RIF1: variants seen among roughly 807,000 people sequenced by gnomAD.
RIF1 encodes telomere-associated protein RIF1.
Under a neutral mutation model 247.1 loss-of-function variants are expected in RIF1, and 45 were observed. That is an observed-to-expected ratio of 0.18 (90% CI 0.14 to 0.23). The LOEUF is 0.23. Ranked by LOEUF, RIF1 falls within the 10% of genes least tolerant of loss-of-function variation. The pLI is 1.00. For synonymous variants in RIF1, 1,087 were observed against 978.8 expected (o/e 1.11, Z -2.06); for missense variants, 2,967 against 2,862.5 (o/e 1.04, Z -0.83).
chr2:151,499,296 A>G, intron 10 of RIF1: 1 of 1,437,456 alleles, frequency 7.0e-7, no homozygotes, highest in African/African-American at 1.4e-5. Flanking sequence ...ATTTTTAAAT[A>G]CCGAACTAAA....
intron 8 of RIF1, among the ~76,000 whole-genome samples, chr2:151,427,736 C>T (rs527927158): frequency 5.3e-5 from 8 of 149,838 alleles, no homozygotes; most frequent in African/African-American, 2.0e-4. Context: ...GCCTGGCCAG[C>T]ATGGCCAGCA....
intron 13 of RIF1, chr2:151,506,861 G>C: frequency 8.2e-7 from 1 of 1,212,952 alleles, no homozygotes; most frequent in Non-Finnish European, 1.2e-6. Context: ...AAAGAGGAGA[G>C]TGAAATGACT....
Position 151,464,581 on chromosome 2 carries a change from C to T in RIF1, c.5061C>T (p.Asp1687=). Residue 1687 remains aspartate (D), a synonymous_variant, in exon 30 of 36, where the codon GAC becomes GAT. Transcript: ENST00000444746. ...CCATTAAGAGATTACATAAGCGAGA[C>T]TCTTTTGATAATTGTAGTTTGGGAG... The part of the protein sequence containing the change: ...RNAIKRLHKR[D]SFDNCSLGES... 1 of 1,613,440 alleles carries T rather than the reference C, an allele frequency of 6.2e-7. No individual in the cohort carries two copies. Among genetic ancestry groups the T allele is most frequent in the Non-Finnish European group, 8.5e-7 (1 of 1,179,582 alleles).
chr2:151,425,682 T>TTTG (rs1553477252), intron 8 of RIF1, among the ~76,000 whole-genome samples: 8 of 146,848 alleles, frequency 5.4e-5, no homozygotes, highest in African/African-American at 1.5e-4. Flanking sequence ...TTTTTTTTTT[T>TTTG]GTGAGACAGA....
chr2:151,463,465 G>C lies in RIF1; in HGVS notation c.3945G>C (p.Glu1315Asp). The C allele has an allele frequency of 6.2e-7, 1 of 1,614,002 alleles. No individual in the cohort carries two copies. Among genetic ancestry groups the C allele is most frequent in the South Asian group, 1.1e-5 (1 of 91,056 alleles). Residue 1315 changes from glutamate to aspartate, a missense_variant, in exon 30 of 36, where the codon GAG becomes GAC. Around this residue, in one of 7 missense-constraint regions of RIF1, gnomAD observed 2,028 missense variants for 1,825.6 expected, o/e 1.11. Coordinates refer to ENST00000444746, the MANE Select transcript of RIF1 (RefSeq NM_018151.5). ...LMRSEPEKNT[E>D]ESVEGIVVLE... is the part of the protein sequence containing the mutation. ...GATCTGAGCCGGAGAAAAATACTGAGGAATCTGTTGAAGGCATTGTAGTCT... is the reference window on the plus strand; with the variant it reads ...GATCTGAGCCGGAGAAAAATACTGACGAATCTGTTGAAGGCATTGTAGTCT...
downstream of RIF1, among the ~76,000 whole-genome samples, chr2:151,511,521 A>G (rs2074312086): frequency 6.6e-6 from 1 of 152,222 alleles, no homozygotes. Flanking sequence ...ACTAGCATCA[A>G]AATTCCAGAG....
At chr2:151,411,367 C>T in intron 3 of RIF1, 29 bp downstream of exon 3, 3 of 1,374,260 alleles carry the variant, frequency 2.2e-6, no homozygotes, top group Non-Finnish European at 2.0e-6. Context: ...AACAGTTTTT[C>T]ACTTTTGGTA....
intron 15 of RIF1, among the ~76,000 whole-genome samples, chr2:151,440,457 A>G (rs1692082060): frequency 1.3e-5 from 2 of 152,200 alleles, no homozygotes; most frequent in Admixed American, 6.5e-5. Context: ...GCTGAAAACT[A>G]CTAATAGTTG....
At chr2:151,458,951 T>G (rs755656047) in intron 25 of RIF1, 41 bp downstream of exon 25, 2 of 1,242,572 alleles carry the variant, frequency 1.6e-6, no homozygotes, top group East Asian at 2.4e-5. Flanking sequence ...TTTTGGACAT[T>G]TAAGTTATTT....
At chr2:151,425,309 A>G (rs1398533835) in intron 8 of RIF1, among the ~76,000 whole-genome samples, 1 of 151,716 alleles carries the variant, frequency 6.6e-6, no homozygotes, top group Non-Finnish European at 1.5e-5. Context: ...TAGTTTTGTG[A>G]TTTGCAAATA....
chr2:151,436,787 G>T, intron 11 of RIF1, 40 bp from the exon 12 acceptor site: 1 of 1,433,716 alleles, frequency 7.0e-7, no homozygotes, highest in East Asian at 2.4e-5. Flanking sequence ...AATATAAAAT[G>T]AGCTTGTATG....
In RIF1 at chr2:151,458,048, T is replaced by C. The variant is rs970382165; in HGVS notation, c.2855+85T>C. Reference sequence around the variant, plus strand: ...TACTTTGATTCAAATAATCTTTTCTTATGGGGTATTGTTACAGAGGATTCC... The same window carrying C: ...TACTTTGATTCAAATAATCTTTTCTCATGGGGTATTGTTACAGAGGATTCC... On this transcript the variant is annotated intron_variant, in intron 24 of 35. Coordinates refer to ENST00000444746, the MANE Select transcript of RIF1 (RefSeq NM_018151.5). 4 of 941,354 alleles carry C rather than the reference T, an allele frequency of 4.2e-6. No homozygotes were observed. In the African/African-American group the frequency reaches 4.9e-5, roughly 12 times the overall value. The allele number at this position is 941,354 out of a possible 1,614,324, so 58.3% of individuals were successfully genotyped here. A position where few individuals can be genotyped will look rare whatever the true frequency, so the allele number is the denominator to read the frequency against.
chr2:151,418,239 C>G (rs1405921921), intron 6 of RIF1, among the ~76,000 whole-genome samples: 2 of 152,168 alleles, frequency 1.3e-5, no homozygotes, highest in African/African-American at 4.8e-5. Flanking sequence ...CAGTCTCACT[C>G]TGTTGTTCAG....
At position 151,475,595 on chromosome 2, in the gene RIF1, T is replaced by C. The variant is rs942042090; in HGVS notation, c.*524T>C. ...GAATTTTTCCTGCATATGTCAACTT[T>C]GGACAGCTTTCAAGAAAAATGAGAA... On this transcript the variant is annotated 3_prime_UTR_variant, in exon 36 of 36. Transcript: ENST00000444746. 3.9e-4 allele frequency: 59 copies of C among 153,158 alleles called. No homozygotes were observed. Among genetic ancestry groups the C allele is most frequent in the Non-Finnish European group, 1.6e-4 (11 of 68,666 alleles). 9.5% of individuals were successfully genotyped at this position (153,158 alleles called of 1,614,324 possible).
chr2:151,464,526 T>C lies in RIF1; in HGVS notation c.5006T>C (p.Val1669Ala). 3 of 1,611,916 alleles carry C rather than the reference T, an allele frequency of 1.9e-6. No individual in the cohort carries two copies. The highest frequency in any genetic ancestry group is 2.5e-6 in the Non-Finnish European group (3 of 1,179,238). The stretch of plus-strand genomic sequence containing the variant: ...GAATATTCCTTTACAAGTCTACCTG[T>C]GCCAGAATCAAATCTAAGGACTAGA... ...YAEYSFTSLP[V>A]PESNLRTRNA... is the part of the protein sequence containing the mutation. The change falls in exon 30 of 36, where the codon GTG (valine) becomes GCG (alanine). Residue 1669 changes from valine (V) to alanine (A), a missense_variant. Coordinates refer to ENST00000444746, the MANE Select transcript of RIF1 (RefSeq NM_018151.5).
chr2:151,441,225 G>GA (rs1240203351), intron 15 of RIF1, among the ~76,000 whole-genome samples: 15 of 151,412 alleles, frequency 9.9e-5, no homozygotes, highest in Admixed American at 8.6e-4. Context: ...TCTCAAAAAA[G>GA]AAAAAAAAGA....
In RIF1 at chr2:151,461,245, A is replaced by G. The variant is rs376838980; in HGVS notation, c.3183A>G (p.Glu1061=). ...FIPPEGKDAK[E]RILTDHQKEV... The stretch of plus-strand genomic sequence containing the variant: ...CTCCAGAAGGAAAAGATGCAAAGGA[A>G]AGAATATTAACTGATCATCAAAAAG... The change falls in exon 27 of 36, where the codon GAA becomes GAG. Residue 1061 remains glutamate, a synonymous_variant. Coordinates refer to ENST00000444746, the MANE Select transcript of RIF1 (RefSeq NM_018151.5). 1.5e-5 allele frequency: 24 copies of G among 1,613,516 alleles called. No homozygotes were observed. The African/African-American group carries it at 2.7e-4, about 18-fold the overall frequency.
intron 10 of RIF1, chr2:151,498,133 C>T (rs1370814502): frequency 2.0e-5 from 31 of 1,522,856 alleles, no homozygotes; most frequent in Admixed American, 8.0e-5. Context: ...GAAAGTATAT[C>T]CTTTTGTAAT....
intron 9 of RIF1, among the ~76,000 whole-genome samples, chr2:151,431,362 G>A (rs149436174): frequency 1.3e-5 from 2 of 152,144 alleles, no homozygotes; most frequent in East Asian, 1.9e-4. Flanking sequence ...CTCAGTGGCC[G>A]ACTAGAAAAA....
Sources: gnomAD v4.1 joint callset for allele counts (sites outside exome capture counted in the v4.1 genomes callset) on GRCh38, gnomAD v4.1.1 for gene constraint, gnomAD v4.1.1 regional missense constraint, MANE v1.5 for transcripts, NCBI Gene and HGNC (gene_info 2026-07-23, HGNC 2026-07-21) for gene names.